Variants in TMEFF1 observed in about 807,000 individuals in gnomAD.
The protein encoded by TMEFF1 is tomoregulin-1.
A neutral mutation model predicts 47.5 loss-of-function variants in TMEFF1; 20 were observed. That is an observed-to-expected ratio of 0.42 (90% CI 0.30 to 0.61). The LOEUF (loss-of-function observed/expected upper bound fraction) is 0.61, where lower values mean the gene tolerates loss of function less well. TMEFF1 is among the 20% of genes least tolerant of loss of function. TMEFF1 has a pLI of 0.19. For synonymous variants in TMEFF1, 162 were observed against 166.3 expected, an observed-to-expected ratio of 0.97 and a Z score of 0.20; for missense variants, 411 against 471.1, an observed-to-expected ratio of 0.87 and a Z score of 1.18.
At chr9:100,499,348 AAG>A (rs1837715001) in intron 2 of TMEFF1, among the ~76,000 whole-genome samples, 2 of 152,314 alleles carry the variant, frequency 1.3e-5, no homozygotes, top group South Asian at 4.1e-4. Context: ...ACCTCAAACT[AAG>A]AGTGTAAATA....
chr9:100,499,710 C>T (rs968499749), intron 2 of TMEFF1, among the ~76,000 whole-genome samples: 2 of 152,122 alleles, frequency 1.3e-5, no homozygotes, highest in African/African-American at 4.8e-5. Context: ...TTCTTGGCAT[C>T]AGTATTCTAT....
At position 100,473,482 on chromosome 9, in the gene TMEFF1, C is replaced by T. The variant is rs2118206080; in HGVS notation, c.-63C>T. ...ACCGAGGCAGCGGCGGGGCTCTGGG[C>T]GCGCGGCTGGATGCCCCCGGCCTGC... On this transcript the variant is annotated 5_prime_UTR_variant, in exon 1 of 10. Coordinates refer to ENST00000374879, the MANE Select transcript of TMEFF1 (RefSeq NM_003692.5). This position sits in a 1 kb window ranked among gnomAD's most constrained non-coding sequence, Gnocchi z 5.4. The T allele has an allele frequency of 8.0e-7, 1 of 1,251,814 alleles. No individual in the cohort carries two copies. Among genetic ancestry groups the T allele is most frequent in the Non-Finnish European group, 1.0e-6 (1 of 992,652 alleles). 77.5% of individuals were successfully genotyped at this position (1,251,814 alleles called of 1,614,324 possible). A position where few individuals can be genotyped will look rare whatever the true frequency, so the allele number is the denominator to read the frequency against.
intron 1 of TMEFF1, among the ~76,000 whole-genome samples, chr9:100,493,754 G>T (rs1383614472): frequency 1.3e-5 from 2 of 152,086 alleles, no homozygotes; most frequent in African/African-American, 4.8e-5. Context: ...CATAATCATT[G>T]ACAGGTAGTA....
intron 9 of TMEFF1, among the ~76,000 whole-genome samples, chr9:100,573,949 A>T (rs566160049): frequency 6.6e-6 from 1 of 152,274 alleles, no homozygotes; most frequent in Non-Finnish European, 1.5e-5. Flanking sequence ...TAGGGAAAAC[A>T]CATTTAACAG....
At chr9:100,529,770 C>A (rs1188599114) in intron 5 of TMEFF1, among the ~76,000 whole-genome samples, 5 of 152,192 alleles carry the variant, frequency 3.3e-5, no homozygotes, top group African/African-American at 4.8e-5. Context: ...AACTCTCCAT[C>A]CCAAATCAAC....
chr9:100,509,066 T>A lies in TMEFF1; in HGVS notation c.368T>A (p.Phe123Tyr). Residue 123 changes from phenylalanine to tyrosine, a missense_variant, in exon 3 of 10, where the codon TTT becomes TAT. Phe to Tyr is a conservative substitution (Grantham distance 22, BLOSUM62 3). Coordinates refer to ENST00000374879, the MANE Select transcript of TMEFF1 (RefSeq NM_003692.5). ...SNGDTYQNEC[F>Y]LRRAACKHQK... is the part of the protein sequence containing the mutation. ...GGGGACACTTATCAAAATGAATGCTTTCTCAGAAGGGCTGCTTGTAAGCAC... is the reference window on the plus strand; with the variant it reads ...GGGGACACTTATCAAAATGAATGCTATCTCAGAAGGGCTGCTTGTAAGCAC... 1 of 1,603,584 alleles carries A rather than the reference T, an allele frequency of 6.2e-7. No homozygotes were observed. The highest frequency in any genetic ancestry group is 2.3e-5 in the East Asian group (1 of 44,150).
At chr9:100,514,243 A>C (rs1838022475) in intron 4 of TMEFF1, among the ~76,000 whole-genome samples, 1 of 152,048 alleles carries the variant, frequency 6.6e-6, no homozygotes, top group Non-Finnish European at 1.5e-5. Context: ...CAGAGTTGGA[A>C]GGGACTTTGA....
chr9:100,474,994 AT>A (rs1249727640), intron 1 of TMEFF1, among the ~76,000 whole-genome samples: 1 of 152,172 alleles, frequency 6.6e-6, no homozygotes, highest in African/African-American at 2.4e-5. Context: ...GGCCTAGCAG[AT>A]GCTAGTGATC....
In TMEFF1 at chr9:100,473,512, C is replaced by G; in HGVS notation, c.-33C>G. ...GGCTGGATGCCCCCGGCCTGCGGCT[C>G]CCTGCGCTTCCCGCCGTCCAGGGGC... is the stretch of plus-strand genomic sequence containing the variant. On this transcript the variant is annotated 5_prime_UTR_variant, in exon 1 of 10. Transcript: ENST00000374879. This position sits in a 1 kb window ranked among gnomAD's most constrained non-coding sequence, Gnocchi z 5.4. 7.2e-7 allele frequency: 1 copy of G among 1,383,790 alleles called. No individual in the cohort carries two copies. Among genetic ancestry groups the G allele is most frequent in the Non-Finnish European group, 9.3e-7 (1 of 1,071,622 alleles). 85.7% of individuals were successfully genotyped at this position (1,383,790 alleles called of 1,614,324 possible).
chr9:100,566,333 G>A (rs1039647704), intron 8 of TMEFF1, among the ~76,000 whole-genome samples: 1 of 152,082 alleles, frequency 6.6e-6, no homozygotes, highest in Non-Finnish European at 1.5e-5. Context: ...AGATCCATAT[G>A]CCTCCTTTAC....
intron 5 of TMEFF1, among the ~76,000 whole-genome samples, chr9:100,543,145 C>T (rs746878707): frequency 2.6e-5 from 4 of 152,070 alleles, no homozygotes; most frequent in Non-Finnish European, 5.9e-5. Flanking sequence ...TCAGGCTGGT[C>T]ACGAACTCCT....
At position 100,495,142 on chromosome 9, in the gene TMEFF1, G is replaced by A. The variant is rs1331024594; in HGVS notation, c.197-3623G>A. Among the ~76,000 whole-genome samples, 3 of 152,082 alleles carry A rather than the reference G, an allele frequency of 2.0e-5. No individual in the cohort carries two copies. The East Asian group carries it at 5.8e-4, about 29-fold the overall frequency. On this transcript the variant is annotated intron_variant, in intron 1 of 9. Coordinates refer to ENST00000374879, the MANE Select transcript of TMEFF1 (RefSeq NM_003692.5). ...GACACCAGTGTTCCTGAGGAACATG[G>A]TTTTGGAACCACTGATATTAATATT...
intron 3 of TMEFF1, among the ~76,000 whole-genome samples, chr9:100,511,399 C>G (rs1837962992): frequency 6.6e-6 from 1 of 152,182 alleles, no homozygotes; most frequent in South Asian, 2.1e-4. Flanking sequence ...TGACCTTGGA[C>G]AAATCACTAA....
chr9:100,530,449 T>C (rs1341677296), intron 5 of TMEFF1, among the ~76,000 whole-genome samples: 1 of 152,144 alleles, frequency 6.6e-6, no homozygotes, highest in African/African-American at 2.4e-5. Flanking sequence ...CAGAGAATAC[T>C]ACAAACACCT....
rs66485935 is a variant in TMEFF1, at chr9:100,503,535, AACACACACACAC to A, written c.306+4692_306+4703del. 1.1e-3 allele frequency among the ~76,000 whole-genome samples: 152 copies of A among 144,044 alleles called. 3 individuals carry two copies. Among genetic ancestry groups the A allele is most frequent in the East Asian group, 0.01 (50 of 4,898 alleles). The allele number at this position is 144,044 out of a possible 152,430, so 94.5% of individuals were successfully genotyped here. ...AGTCACAGTTCTCCAGAGAAACAGA[AACACACACACAC>A]ACACACACACACACACACACACACA... is the stretch of plus-strand genomic sequence containing the variant. On this transcript the variant is annotated intron_variant, in intron 2 of 9. Transcript: ENST00000374879.
chr9:100,554,352 A>G (rs561746004), intron 7 of TMEFF1, among the ~76,000 whole-genome samples: 3 of 152,108 alleles, frequency 2.0e-5, no homozygotes, highest in Non-Finnish European at 2.9e-5. Flanking sequence ...GGAGAGTCAT[A>G]TAGAGGATGA....
intron 1 of TMEFF1, among the ~76,000 whole-genome samples, chr9:100,496,767 C>T (rs115840694): frequency 6.6e-6 from 1 of 152,152 alleles, no homozygotes; most frequent in Non-Finnish European, 1.5e-5. Flanking sequence ...ATTATCTTGC[C>T]TCGCAGACAA....
At chr9:100,509,224 ACTG>A in intron 3 of TMEFF1, 90 bp downstream of exon 3, 2 of 1,371,110 alleles carry the variant, frequency 1.5e-6, no homozygotes, top group Non-Finnish European at 1.9e-6. Context: ...TATTTCCACA[ACTG>A]CTGTGTGGAT....
At chr9:100,550,296 TTAGTATTAA>T (rs369688467) in intron 7 of TMEFF1, 136 bp downstream of exon 7, 27 of 706,582 alleles carry the variant, frequency 3.8e-5, no homozygotes, top group African/African-American at 3.2e-4. Context: ...CAGTTAATTA[TTAGTATTAA>T]TAGTAACAGA....
Sources: gnomAD v4.1 joint callset for allele counts (sites outside exome capture counted in the v4.1 genomes callset) on GRCh38, gnomAD v4.1.1 for gene constraint, Gnocchi (gnomAD v3.1) non-coding constraint, MANE v1.5 for transcripts, NCBI Gene and HGNC (gene_info 2026-07-23, HGNC 2026-07-21) for gene names.